The following COL21A1 variants were observed in gnomAD, a reference collection of about 807,000 sequenced individuals.
COL21A1 encodes the protein collagen type XXI alpha 1 chain.
Under a neutral mutation model 137.9 loss-of-function variants are expected in COL21A1, and 149 were observed. The observed-to-expected ratio is 1.08, with a 90% CI of 0.95 to 1.24. COL21A1 has a LOEUF of 1.24. Ranked by LOEUF, COL21A1 falls within the 50% of genes most tolerant of loss-of-function variation. The pLI, the probability that COL21A1 is intolerant of heterozygous loss-of-function variation, is 0.00. For synonymous variants in COL21A1, 456 were observed against 391.5 expected, an observed-to-expected ratio of 1.16 and a Z score of -1.95; for missense variants, 1,167 against 1,158.4, an observed-to-expected ratio of 1.01 and a Z score of -0.11.
intron 1 of COL21A1, among the ~76,000 whole-genome samples, chr6:56,315,531 C>A (rs1764710812): frequency 6.6e-6 from 1 of 152,122 alleles, no homozygotes; most frequent in Non-Finnish European, 1.5e-5. Context: ...ATCTTTAGAT[C>A]CGGGTTGAAT....
At chr6:56,362,276 A>C (rs904213193) in intron 1 of COL21A1, among the ~76,000 whole-genome samples, 1 of 152,096 alleles carries the variant, frequency 6.6e-6, no homozygotes, top group Admixed American at 6.5e-5. Flanking sequence ...TAAAATGTTA[A>C]CCATGGTTAT....
At chr6:56,098,362 TG>T (rs1562191616) in intron 17 of COL21A1, among the ~76,000 whole-genome samples, 2 of 39,050 alleles carry the variant, frequency 5.1e-5, no homozygotes, top group African/African-American at 3.2e-4. Flanking sequence ...AATATATATA[TG>T]AATATATATA....
intron 17 of COL21A1, among the ~76,000 whole-genome samples, chr6:56,086,398 C>G (rs1162952941): frequency 6.6e-6 from 1 of 151,790 alleles, no homozygotes; most frequent in Non-Finnish European, 1.5e-5. Context: ...GAAAGCATTA[C>G]CAATAACATA....
At chr6:56,308,512 A>T (rs1465513366) in intron 1 of COL21A1, among the ~76,000 whole-genome samples, 1 of 152,188 alleles carries the variant, frequency 6.6e-6, no homozygotes, top group Non-Finnish European at 1.5e-5. Context: ...TATTAATACG[A>T]GGTATATAAA....
In COL21A1 at chr6:56,240,088, A is replaced by T. The variant is rs76572804; in HGVS notation, c.-39+7299T>A. Among the ~76,000 whole-genome samples the T allele has an allele frequency of 3.0e-4, 46 of 152,170 alleles. No homozygotes were observed. The East Asian group carries it at 5.8e-3, about 19-fold the overall frequency. On this transcript the variant is annotated intron_variant, in intron 1 of 29. Transcript: ENST00000244728. ...TCATTTTCTCTGTCTGCCACCAGGCAAGATGTGTCATTTGCCTTCCACCAT... is the reference window on the plus strand; with the variant it reads ...TCATTTTCTCTGTCTGCCACCAGGCTAGATGTGTCATTTGCCTTCCACCAT...
chr6:56,061,790 A>G, intron 24 of COL21A1, 109 bp from the exon 25 acceptor site: 1 of 684,248 alleles, frequency 1.5e-6, no homozygotes, highest in Non-Finnish European at 2.4e-6. Flanking sequence ...CAATTTGGAA[A>G]ATATTGATAG....
At chr6:56,325,664 A>ACATTATATATACATATT (rs1765039277) in intron 1 of COL21A1, among the ~76,000 whole-genome samples, 3 of 58 alleles carry the variant, frequency 0.052, 1 homozygote, top group Non-Finnish European at 0.062. Flanking sequence ...TTATATATTA[A>ACATTATATATACATATT]ATATATTATA....
At chr6:56,058,954 A>C (rs917175863) in intron 29 of COL21A1, among the ~76,000 whole-genome samples, 1 of 152,214 alleles carries the variant, frequency 6.6e-6, no homozygotes, top group African/African-American at 2.4e-5. Context: ...TAAACTATCT[A>C]AATGATAAGC....
At chr6:56,243,462 T>C (rs1782467582) in intron 1 of COL21A1, among the ~76,000 whole-genome samples, 1 of 152,138 alleles carries the variant, frequency 6.6e-6, no homozygotes, top group Admixed American at 6.5e-5. Context: ...AACAGAAAAA[T>C]CATGGGAACA....
At chr6:56,209,967 T>C (rs1780053295) in intron 1 of COL21A1, among the ~76,000 whole-genome samples, 1 of 152,148 alleles carries the variant, frequency 6.6e-6, no homozygotes, top group African/African-American at 2.4e-5. Context: ...GGAGTTCATG[T>C]CCTTTGCAGG....
intron 14 of COL21A1, among the ~76,000 whole-genome samples, chr6:56,125,177 C>CG (rs1772940050): frequency 6.6e-6 from 1 of 151,562 alleles, no homozygotes; most frequent in African/African-American, 2.4e-5. Flanking sequence ...CACACCACCA[C>CG]GCCCAGCTAC....
chr6:56,298,781 G>A lies in COL21A1; in HGVS notation c.-39+95190C>T, dbSNP rs373876844. ...TCAACAGCAACAGCAACAGAGACCAGACGCAGAGTTCCAATTTCCTTTCTC... is the reference window on the plus strand; with the variant it reads ...TCAACAGCAACAGCAACAGAGACCAAACGCAGAGTTCCAATTTCCTTTCTC... On this transcript the variant is annotated intron_variant, in intron 1 of 28. Transcript: ENST00000370819. 2.4e-4 allele frequency among the ~76,000 whole-genome samples: 36 copies of A among 152,204 alleles called. 1 individual carries two copies. Among genetic ancestry groups the A allele is most frequent in the African/African-American group, 8.2e-4 (34 of 41,540 alleles).
intron 10 of COL21A1, among the ~76,000 whole-genome samples, chr6:56,156,327 T>C (rs1775739060): frequency 3.3e-5 from 5 of 152,222 alleles, no homozygotes; most frequent in Non-Finnish European, 1.5e-5. Flanking sequence ...TAGGCAGCTT[T>C]CTTCCTGACT....
chr6:56,092,171 AT>A (rs1315179575), intron 17 of COL21A1, among the ~76,000 whole-genome samples: 3 of 152,202 alleles, frequency 2.0e-5, no homozygotes, highest in Non-Finnish European at 4.4e-5. Context: ...AAAAACAATA[AT>A]TATTTTTGTT....
At chr6:56,137,993 G>A (rs914530508) in intron 12 of COL21A1, among the ~76,000 whole-genome samples, 1 of 152,146 alleles carries the variant, frequency 6.6e-6, no homozygotes, top group Non-Finnish European at 1.5e-5. Context: ...TATTTAGGGA[G>A]GGCAAAGCTA....
chr6:56,260,357 T>C (rs923804814), intron 1 of COL21A1, among the ~76,000 whole-genome samples: 1 of 151,524 alleles, frequency 6.6e-6, no homozygotes, highest in Non-Finnish European at 1.5e-5. Flanking sequence ...CAGAGGCAGG[T>C]AGATCACCTG....
At chr6:56,143,319 G>T (rs2152239410) in intron 10 of COL21A1, among the ~76,000 whole-genome samples, 1 of 149,842 alleles carries the variant, frequency 6.7e-6, no homozygotes, top group African/African-American at 2.5e-5. Context: ...TCCTGCCTCA[G>T]CCTCCCTTGT....
intron 1 of COL21A1, 87 bp from the exon 2 acceptor site, chr6:56,182,743 T>C (rs1321063039): frequency 1.9e-5 from 12 of 630,752 alleles, no homozygotes; most frequent in South Asian, 4.1e-5. Context: ...CAAGAGCCAA[T>C]TGAAGTACAG....
chr6:56,156,892 T>C lies in COL21A1; in HGVS notation c.1429A>G (p.Lys477Glu). 1 of 1,611,678 alleles carries C rather than the reference T, an allele frequency of 6.2e-7. No homozygotes were observed. The highest frequency in any genetic ancestry group is 8.5e-7 in the Non-Finnish European group (1 of 1,178,844). Residue 477 changes from lysine to glutamate, a missense_variant, in exon 10 of 30, where the codon AAG becomes GAG. Lys to Glu is a moderately conservative substitution (Grantham distance 56). Coordinates refer to ENST00000244728, the MANE Select transcript of COL21A1 (RefSeq NM_030820.4). The part of the protein sequence containing the change: ...GYPGQPGQDG[K>E]PGYQGIAGTP... The stretch of plus-strand genomic sequence containing the variant: ...ACTAAGCTTTCAGTACTCACAGGCT[T>C]ACCATCTTGACCAGGTTGTCCAGGG...
Sources: gnomAD v4.1 joint callset for allele counts (sites outside exome capture counted in the v4.1 genomes callset) on GRCh38, gnomAD v4.1.1 for gene constraint, MANE v1.5 for transcripts, NCBI Gene and HGNC (gene_info 2026-07-23, HGNC 2026-07-21) for gene names.